LDLRAD4: variants seen among roughly 807,000 people sequenced by gnomAD.
LDLRAD4 encodes low density lipoprotein receptor class A domain containing 4.
A neutral mutation model predicts 17.0 loss-of-function variants in LDLRAD4; 5 were observed. The observed-to-expected ratio is 0.29, with a 90% CI of 0.15 to 0.62. LDLRAD4 has a LOEUF of 0.62. LDLRAD4 is among the 20% of genes least tolerant of loss of function. The pLI is 0.84. For synonymous variants in LDLRAD4, 168 were observed against 171.8 expected (o/e 0.98, Z 0.17); for missense variants, 340 against 424.7 (o/e 0.80, Z 1.75).
In LDLRAD4 at chr18:13,586,756, C is replaced by T. The variant is rs4341806; in HGVS notation, c.182-34361C>T. ...TACAAAAATTAGCCAGGCATGGTGG[C>T]GCACACCTGTAATCCCACATATCAG... On this transcript the variant is annotated intron_variant, in intron 3 of 5. Coordinates refer to ENST00000359446, the Ensembl canonical transcript of LDLRAD4. 3.2e-3 allele frequency among the ~76,000 whole-genome samples: 485 copies of T among 151,792 alleles called. 1 individual carries two copies. Among genetic ancestry groups the T allele is most frequent in the Middle Eastern group, 6.8e-3 (2 of 294 alleles).
At chr18:13,262,320 AAACTGAGTCCCGTGC>A in intron 1 of LDLRAD4, among the ~76,000 whole-genome samples, 1 of 122,412 alleles carries the variant, frequency 8.2e-6, no homozygotes, top group African/African-American at 4.0e-5. Flanking sequence ...GTGTGTGTGG[AAACTGAGTCCCGTGC>A]GGCTCTGTGC....
intron 4 of LDLRAD4, chr18:13,641,954 G>A: frequency 1.0e-6 from 1 of 985,326 alleles, no homozygotes; most frequent in African/African-American, 1.7e-5. Flanking sequence ...AGCGAGGAGC[G>A]CCCCTGCGGG....
At chr18:13,602,457 A>C (rs917280866) in intron 3 of LDLRAD4, among the ~76,000 whole-genome samples, 1 of 150,516 alleles carries the variant, frequency 6.6e-6, no homozygotes, top group African/African-American at 2.4e-5. Context: ...GATGGGGGGA[A>C]TTTTATCAGA....
intron 3 of LDLRAD4, chr18:13,611,975 A>C: frequency 2.0e-6 from 2 of 985,470 alleles, no homozygotes; most frequent in Non-Finnish European, 2.4e-6. Context: ...GGGTGCTCCC[A>C]GCCGGGCGAG....
intron 1 of LDLRAD4, among the ~76,000 whole-genome samples, chr18:13,285,674 C>T (rs757759539): frequency 2.0e-5 from 3 of 152,006 alleles, no homozygotes; most frequent in Non-Finnish European, 2.9e-5. Flanking sequence ...CTCTTTTTGT[C>T]CTGGGATCTG....
intron 3 of LDLRAD4, among the ~76,000 whole-genome samples, chr18:13,575,417 G>C (rs971432283): frequency 6.6e-6 from 1 of 152,194 alleles, no homozygotes; most frequent in Non-Finnish European, 1.5e-5. Flanking sequence ...TTTTATGGCT[G>C]AGTAGTATTC....
chr18:13,447,245 G>A (rs894417947), intron 3 of LDLRAD4, among the ~76,000 whole-genome samples: 1 of 151,858 alleles, frequency 6.6e-6, no homozygotes, highest in South Asian at 2.1e-4. Flanking sequence ...CTCTGGGTTC[G>A]CCACGGGATC....
At chr18:13,307,775 G>A (rs928841603) in intron 1 of LDLRAD4, among the ~76,000 whole-genome samples, 1 of 152,144 alleles carries the variant, frequency 6.6e-6, no homozygotes, top group Non-Finnish European at 1.5e-5. Context: ...TAAGAATACT[G>A]TAAGTATATG....
chr18:13,285,025 T>C lies in LDLRAD4; in HGVS notation c.-383+6837T>C, dbSNP rs555579748. Among the ~76,000 whole-genome samples the C allele has an allele frequency of 3.3e-5, 5 of 152,300 alleles. No individual in the cohort carries two copies. In the East Asian group the frequency reaches 5.8e-4, roughly 18 times the overall value. ...CCTCCCCTTGACGTCCTGACATTGGTTGGGGGCGTGGGCTGCCCTTTCAAA... is the reference window on the plus strand; with the variant it reads ...CCTCCCCTTGACGTCCTGACATTGGCTGGGGGCGTGGGCTGCCCTTTCAAA... On this transcript the variant is annotated intron_variant, in intron 1 of 5. Coordinates refer to ENST00000359446, the Ensembl canonical transcript of LDLRAD4.
intron 3 of LDLRAD4, chr18:13,470,686 G>T (rs1472691659): frequency 6.6e-6 from 1 of 151,166 alleles, no homozygotes; most frequent in African/African-American, 2.4e-5. Flanking sequence ...TGGCACTCCC[G>T]CCTTCCTGCT....
At chr18:13,220,770 T>C (rs2041407208) in intron 1 of LDLRAD4, among the ~76,000 whole-genome samples, 1 of 152,194 alleles carries the variant, frequency 6.6e-6, no homozygotes, top group Non-Finnish European at 1.5e-5. Context: ...CTGTTTTTGC[T>C]CTGGGCTGCT....
intron 1 of LDLRAD4, among the ~76,000 whole-genome samples, chr18:13,354,327 C>T (rs979640601): frequency 3.3e-5 from 5 of 152,100 alleles, no homozygotes; most frequent in South Asian, 2.1e-4. Context: ...GAAGTTCTTA[C>T]GGTGTTGATT....
chr18:13,228,606 T>C (rs900911140), intron 1 of LDLRAD4, among the ~76,000 whole-genome samples: 4 of 152,166 alleles, frequency 2.6e-5, no homozygotes, highest in African/African-American at 4.8e-5. Context: ...CTACTTTGGC[T>C]ATGAAGATAA....
At chr18:13,258,443 A>C (rs1855956057) in intron 1 of LDLRAD4, among the ~76,000 whole-genome samples, 3 of 152,204 alleles carry the variant, frequency 2.0e-5, no homozygotes, top group Non-Finnish European at 2.9e-5. Context: ...AAACACTTGA[A>C]ATGAGATGCC....
chr18:13,390,784 G>A lies in LDLRAD4; in HGVS notation c.40+3022G>A, dbSNP rs150117021. Among the ~76,000 whole-genome samples the A allele has an allele frequency of 3.9e-5, 6 of 152,354 alleles. No individual in the cohort carries two copies. The East Asian group carries it at 1.2e-3, about 29-fold the overall frequency. On this transcript the variant is annotated intron_variant, in intron 2 of 5. Transcript: ENST00000359446. ...CTGTTGGGTGCGCCAGCACCTGCAG[G>A]GTGGCAGTTTTAGCTTCCCCATCTC...
chr18:13,350,110 T>C (rs1229912928), intron 1 of LDLRAD4, among the ~76,000 whole-genome samples: 5 of 152,220 alleles, frequency 3.3e-5, no homozygotes, highest in African/African-American at 1.2e-4. Context: ...TGTGTCTTTA[T>C]AGTAGGATGA....
intron 3 of LDLRAD4, among the ~76,000 whole-genome samples, chr18:13,468,976 T>G (rs976670263): frequency 1.3e-5 from 2 of 151,820 alleles, no homozygotes; most frequent in African/African-American, 4.9e-5. Context: ...ATTGTGCACA[T>G]GTACCCTAAA....
chr18:13,388,768 G>A (rs957933605), intron 2 of LDLRAD4, among the ~76,000 whole-genome samples: 2 of 152,218 alleles, frequency 1.3e-5, no homozygotes, highest in Admixed American at 6.5e-5. Context: ...ATGGAGCGCC[G>A]CTGTGGTGCC....
intron 1 of LDLRAD4, among the ~76,000 whole-genome samples, chr18:13,283,443 C>A (rs1384310321): frequency 6.6e-6 from 1 of 152,216 alleles, no homozygotes; most frequent in East Asian, 1.9e-4. Flanking sequence ...CTTTCAAGTT[C>A]AAAGTTCCAC....
Sources: allele counts gnomAD v4.1 joint callset (sites outside exome capture counted in the v4.1 genomes callset), GRCh38; gene constraint gnomAD v4.1.1; transcripts MANE v1.5; gene names NCBI Gene and HGNC (gene_info 2026-07-23, HGNC 2026-07-21).